SLC9C2: variants seen among roughly 807,000 people sequenced by gnomAD.
The protein encoded by SLC9C2 is solute carrier family 9 member C2 (putative), also known as sodium/hydrogen exchanger 11.
Under a neutral mutation model 140.2 loss-of-function variants are expected in SLC9C2, and 75 were observed. The ratio of observed to expected loss-of-function variants is 0.53; its 90% confidence interval spans 0.44 to 0.65. The LOEUF (loss-of-function observed/expected upper bound fraction) is 0.65. SLC9C2 is among the 30% of genes least tolerant of loss of function. The pLI is 0.00. For missense variants in SLC9C2, 1,074 were observed against 1,331.8 expected (o/e 0.81, Z 3.01); for synonymous variants, 375 against 420.9 (o/e 0.89, Z 1.34).
chr1:173,591,266 A>G (rs1011660279), intron 4 of SLC9C2, among the ~76,000 whole-genome samples: 1 of 152,062 alleles, frequency 6.6e-6, no homozygotes, highest in African/African-American at 2.4e-5. Flanking sequence ...TTTTCTTTAT[A>G]CAATCTGGCA....
intron 13 of SLC9C2, among the ~76,000 whole-genome samples, chr1:173,545,960 C>A (rs1463487263): frequency 6.6e-6 from 1 of 152,068 alleles, no homozygotes; most frequent in Non-Finnish European, 1.5e-5. Context: ...GGGTGGCATT[C>A]GGAGTGGGAA....
chr1:173,583,664 A>C (rs1022694744), intron 5 of SLC9C2, 42 bp from the exon 6 acceptor site: 2 of 1,010,628 alleles, frequency 2.0e-6, no homozygotes, highest in Non-Finnish European at 2.9e-6. Flanking sequence ...ATGCTACATG[A>C]AAATAATGTT....
At chr1:173,510,788 A>G (rs1355453499) in intron 23 of SLC9C2, among the ~76,000 whole-genome samples, 1 of 152,166 alleles carries the variant, frequency 6.6e-6, no homozygotes, top group Non-Finnish European at 1.5e-5. Flanking sequence ...TAGTGTGGCA[A>G]TAAACATACA....
chr1:173,508,427 G>C (rs1659802559), intron 24 of SLC9C2, among the ~76,000 whole-genome samples: 1 of 151,994 alleles, frequency 6.6e-6, no homozygotes, highest in Non-Finnish European at 1.5e-5. Context: ...TTATTATTGA[G>C]TCAAGTCTGA....
At position 173,587,671 on chromosome 1, in the gene SLC9C2, T is replaced by G. The variant is rs747154041; in HGVS notation, c.517A>C (p.Thr173Pro). 23 of 1,609,476 alleles carry G rather than the reference T, an allele frequency of 1.4e-5. No individual in the cohort carries two copies. The highest frequency in any genetic ancestry group is 3.3e-4 in the Middle Eastern group (2 of 6,036). ...AGAAATAAATGTGACATACCAATAG[T>G]TTTTAGTGAATTCACAGAACGAAGA... ...DPLRSVNSLKTIGISKIYIDL... is the reference protein window; with the variant it reads ...DPLRSVNSLKPIGISKIYIDL... The change falls in exon 5 of 28, where the codon ACT (threonine) becomes CCT (proline). Residue 173 changes from threonine (T) to proline (P), a missense_variant. Physicochemically the swap from Thr to Pro is conservative, Grantham distance 38. Coordinates refer to ENST00000367714, the MANE Select transcript of SLC9C2 (RefSeq NM_178527.4).
rs558671283 is a variant in SLC9C2, at chr1:173,511,437, T to A, written c.2908-1738A>T. Among the ~76,000 whole-genome samples the A allele has an allele frequency of 6.3e-4, 82 of 129,492 alleles. 1 individual carries two copies. The highest frequency in any genetic ancestry group is 2.0e-3 in the African/African-American group (63 of 30,858). 85.0% of individuals were successfully genotyped at this position (129,492 alleles called of 152,430 possible). On this transcript the variant is annotated intron_variant, in intron 23 of 27. Transcript: ENST00000367714. ...CAGTGATGTTGAGCTTTTTTTCATA[T>A]GTTTGTTGGCTACGTAAATTGTCTT...
Position 173,502,272 on chromosome 1 carries a change from CAAAAAA to C in SLC9C2, c.3371+988_3371+993del, listed in dbSNP as rs34183286. On this transcript the variant is annotated intron_variant, in intron 27 of 27. Coordinates refer to ENST00000367714, the MANE Select transcript of SLC9C2 (RefSeq NM_178527.4). ...CATGTGACAGAGTGAGATTCCATCT[CAAAAAA>C]AAAAAAAAAAAAAAAAAAAGCTGTT... Among the ~76,000 whole-genome samples, 4 of 40,784 alleles carry C rather than the reference CAAAAAA, an allele frequency of 9.8e-5. No individual in the cohort carries two copies. In the East Asian group the frequency reaches 3.4e-3, roughly 34 times the overall value. The allele number at this position is 40,784 out of a possible 152,430, so 26.8% of individuals were successfully genotyped here.
chr1:173,522,525 A>C (rs909748408), intron 21 of SLC9C2, among the ~76,000 whole-genome samples: 1 of 152,242 alleles, frequency 6.6e-6, no homozygotes, highest in Non-Finnish European at 1.5e-5. Context: ...ACTTTTAGAC[A>C]CTTAAAACAA....
intron 17 of SLC9C2, among the ~76,000 whole-genome samples, chr1:173,531,547 ACAGCATAAACACTAT>A (rs1203053043): frequency 6.6e-6 from 1 of 152,200 alleles, no homozygotes; most frequent in African/African-American, 2.4e-5. Context: ...TTTTCAACAG[ACAGCATAAACACTAT>A]CCTATAAAAT....
intron 22 of SLC9C2, among the ~76,000 whole-genome samples, chr1:173,519,299 C>T (rs1282215629): frequency 2.6e-5 from 4 of 152,070 alleles, no homozygotes; most frequent in African/African-American, 7.2e-5. Context: ...GAAGCAAGGA[C>T]TTCTGTTCAA....
chr1:173,536,621 A>T (rs1234413681), intron 14 of SLC9C2, among the ~76,000 whole-genome samples: 1 of 152,196 alleles, frequency 6.6e-6, no homozygotes, highest in African/African-American at 2.4e-5. Flanking sequence ...AAATAATTAT[A>T]ATAGTTATTG....
chr1:173,521,750 C>G (rs1201261349), intron 21 of SLC9C2, among the ~76,000 whole-genome samples: 1 of 151,184 alleles, frequency 6.6e-6, no homozygotes, highest in Non-Finnish European at 1.5e-5. Context: ...TTTTTTTCAG[C>G]CCGTTTGAGG....
intron 11 of SLC9C2, among the ~76,000 whole-genome samples, chr1:173,553,225 G>C (rs531955166): frequency 1.6e-4 from 24 of 152,338 alleles, no homozygotes; most frequent in Non-Finnish European, 3.1e-4. Context: ...AGTAAACGAA[G>C]TGCTTTCTTG....
intron 23 of SLC9C2, among the ~76,000 whole-genome samples, chr1:173,516,079 G>T (rs980286108): frequency 2.0e-5 from 3 of 152,280 alleles, no homozygotes; most frequent in South Asian, 2.1e-4. Flanking sequence ...CCGAACTGAT[G>T]CCAGTAGGAA....
chr1:173,533,849 G>A (rs1364549235), intron 16 of SLC9C2, 52 bp from the exon 17 acceptor site: 1 of 1,476,176 alleles, frequency 6.8e-7, no homozygotes, highest in East Asian at 2.5e-5. Context: ...AATGTTGGGG[G>A]GAAGAAATCT....
intron 5 of SLC9C2, among the ~76,000 whole-genome samples, chr1:173,586,867 C>T (rs776013755): frequency 3.3e-5 from 5 of 151,996 alleles, no homozygotes; most frequent in African/African-American, 9.7e-5. Context: ...CAACACACAC[C>T]GGGGCCTGTT....
chr1:173,538,739 GT>G (rs1394171802), intron 13 of SLC9C2, among the ~76,000 whole-genome samples: 1 of 152,134 alleles, frequency 6.6e-6, no homozygotes, highest in Non-Finnish European at 1.5e-5. Flanking sequence ...TAGGCAGAGG[GT>G]GGCATCTCTA....
At chr1:173,557,617 A>T in intron 9 of SLC9C2, 109 bp from the exon 10 acceptor site, 1 of 1,052,090 alleles carries the variant, frequency 9.5e-7, no homozygotes, top group Non-Finnish European at 1.4e-6. Flanking sequence ...TTCGGGAAAG[A>T]AAAAAACAAT....
At position 173,541,106 on chromosome 1, in the gene SLC9C2, G is replaced by A. The variant is rs532985086; in HGVS notation, c.1558-4067C>T. ...ACCCATCAGTGTGCTGTACTCAGGA[G>A]ACTCATCTCACATGCAGAAACACAC... On this transcript the variant is annotated intron_variant, in intron 13 of 27. Coordinates refer to ENST00000367714, the MANE Select transcript of SLC9C2 (RefSeq NM_178527.4). Among the ~76,000 whole-genome samples the A allele has an allele frequency of 3.9e-5, 6 of 151,924 alleles. No homozygotes were observed. In the South Asian group the frequency reaches 1.2e-3, roughly 32 times the overall value.
Sources: gnomAD v4.1 joint callset for allele counts (sites outside exome capture counted in the v4.1 genomes callset) on GRCh38, gnomAD v4.1.1 for gene constraint, MANE v1.5 for transcripts, NCBI Gene and HGNC (gene_info 2026-07-23, HGNC 2026-07-21) for gene names.